Variants in CPPED1 observed in about 807,000 individuals in gnomAD.
CPPED1 encodes serine/threonine-protein phosphatase CPPED1.
Under a neutral mutation model 28.0 loss-of-function variants are expected in CPPED1, and 28 were observed. The ratio of observed to expected loss-of-function variants is 1.00; its 90% confidence interval spans 0.74 to 1.37. The LOEUF is 1.37. Among genes scored for constraint, CPPED1 ranks in the 40% most tolerant of loss-of-function variants. The probability of loss-of-function intolerance (pLI) is 0.00; values close to 1 mark genes in which losing one functional copy is unlikely to be tolerated. For missense variants in CPPED1, 504 were observed against 416.5 expected (o/e 1.21, Z -1.83); for synonymous variants, 198 against 180.2 (o/e 1.10, Z -0.79).
Position 12,660,844 on chromosome 16 carries a change from G to T in CPPED1, c.*4042C>A, listed in dbSNP as rs557799259. ...GAGTTCAAGTAAGGCTGGGTACAGT[G>T]GCCAACGCCTGTAATCCCAACACTT... On this transcript the variant is annotated 3_prime_UTR_variant, in exon 4 of 4. Coordinates refer to ENST00000381774, the MANE Select transcript of CPPED1 (RefSeq NM_018340.3). 4.3e-4 allele frequency: 66 copies of T among 152,406 alleles called. No homozygotes were observed. Among genetic ancestry groups the T allele is most frequent in the African/African-American group, 1.6e-3 (65 of 41,584 alleles). The allele number at this position is 152,406 out of a possible 1,614,324, so 9.4% of individuals were successfully genotyped here.
intron 2 of CPPED1, among the ~76,000 whole-genome samples, chr16:12,766,202 G>C (rs2141229495): frequency 6.7e-6 from 1 of 148,214 alleles, no homozygotes; most frequent in South Asian, 2.1e-4. Flanking sequence ...AGACCAGCCT[G>C]GCCAACATGG....
chr16:12,779,425 A>G (rs574913423), intron 2 of CPPED1, among the ~76,000 whole-genome samples: 1 of 151,018 alleles, frequency 6.6e-6, no homozygotes, highest in African/African-American at 2.4e-5. Context: ...TTCCCGCTCT[A>G]TCACCCAGTC....
chr16:12,796,697 G>A (rs58882004), intron 1 of CPPED1, among the ~76,000 whole-genome samples: 3,433 of 152,202 alleles, frequency 0.023, 88 homozygotes, highest in African/African-American at 0.064. Context: ...CATAGTTACC[G>A]TATGACTCAG....
chr16:12,740,398 T>C (rs1021056638), intron 2 of CPPED1, among the ~76,000 whole-genome samples: 5 of 150,850 alleles, frequency 3.3e-5, no homozygotes, highest in African/African-American at 7.3e-5. Context: ...TGAGCAGAGA[T>C]TGCACCACTG....
intron 3 of CPPED1, among the ~76,000 whole-genome samples, chr16:12,692,909 C>G (rs893456541): frequency 2.6e-5 from 4 of 152,228 alleles, no homozygotes; most frequent in African/African-American, 7.2e-5. Flanking sequence ...TCACAACTGC[C>G]TGACATGGCC....
Position 12,709,338 on chromosome 16 carries a change from G to C in CPPED1, c.290-4289C>G, listed in dbSNP as rs757628318. ...GGATTGTTCTGGGGTCTCCAAGGTG[G>C]ATAAGAGGTATCTGCTGAGAAGTGG... is the stretch of plus-strand genomic sequence containing the variant. On this transcript the variant is annotated intron_variant, in intron 2 of 3. Coordinates refer to ENST00000381774, the MANE Select transcript of CPPED1 (RefSeq NM_018340.3). This position sits in a 1 kb window ranked among gnomAD's most constrained non-coding sequence, Gnocchi z 4.4. Among the ~76,000 whole-genome samples, 3 of 152,154 alleles carry C rather than the reference G, an allele frequency of 2.0e-5. No individual in the cohort carries two copies. The highest frequency in any genetic ancestry group is 4.4e-5 in the Non-Finnish European group (3 of 68,038).
intron 2 of CPPED1, among the ~76,000 whole-genome samples, chr16:12,714,372 A>T (rs966099014): frequency 2.0e-5 from 3 of 152,206 alleles, no homozygotes; most frequent in African/African-American, 7.2e-5. Flanking sequence ...AAGCTAGCAG[A>T]CTGTCTTCCA....
intron 2 of CPPED1, among the ~76,000 whole-genome samples, chr16:12,727,762 C>T (rs1350454796): frequency 6.6e-6 from 1 of 152,198 alleles, no homozygotes; most frequent in Non-Finnish European, 1.5e-5. Context: ...AAGAACATTA[C>T]AACACGGACT....
intron 3 of CPPED1, among the ~76,000 whole-genome samples, chr16:12,676,679 T>G (rs552578590): frequency 2.8e-4 from 42 of 152,298 alleles, no homozygotes; most frequent in African/African-American, 9.9e-4. Flanking sequence ...GGCTCTGACC[T>G]AAACACATCC....
In CPPED1 at chr16:12,709,753, G is replaced by C. The variant is rs1054988396; in HGVS notation, c.290-4704C>G. Reference sequence around the variant, plus strand: ...AAGTATAGCTATGATCATAGGTAATGGTGAAAGACTGACTGCCTTCCTCCA... The same window carrying C: ...AAGTATAGCTATGATCATAGGTAATCGTGAAAGACTGACTGCCTTCCTCCA... On this transcript the variant is annotated intron_variant, in intron 2 of 3. Coordinates refer to ENST00000381774, the MANE Select transcript of CPPED1 (RefSeq NM_018340.3). This position sits in a 1 kb window ranked among gnomAD's most constrained non-coding sequence, Gnocchi z 4.4. Among the ~76,000 whole-genome samples the C allele has an allele frequency of 2.0e-5, 3 of 152,126 alleles. No individual in the cohort carries two copies. The highest frequency in any genetic ancestry group is 4.4e-5 in the Non-Finnish European group (3 of 68,034).
At chr16:12,787,298 A>G (rs1468398186) in intron 1 of CPPED1, among the ~76,000 whole-genome samples, 1 of 152,210 alleles carries the variant, frequency 6.6e-6, no homozygotes, top group Non-Finnish European at 1.5e-5. Context: ...AGCTCTGGAT[A>G]ATGCCTATAG....
In CPPED1 at chr16:12,766,597, T is replaced by C. The variant is rs2080441096; in HGVS notation, c.289+14588A>G. ...TGGAAGTACAATTCAAGATGAGATG[T>C]GGGTGGGGACACAGAGCCAAACCAT... On this transcript the variant is annotated intron_variant, in intron 2 of 3. Coordinates refer to ENST00000381774, the MANE Select transcript of CPPED1 (RefSeq NM_018340.3). Among the ~76,000 whole-genome samples, 4 of 152,000 alleles carry C rather than the reference T, an allele frequency of 2.6e-5. No homozygotes were observed. In the South Asian group the frequency reaches 8.3e-4, roughly 32 times the overall value.
chr16:12,690,970 C>G (rs2079959625), intron 3 of CPPED1, among the ~76,000 whole-genome samples: 1 of 152,230 alleles, frequency 6.6e-6, no homozygotes, highest in South Asian at 2.1e-4. Context: ...AGGTGGGACC[C>G]TGCCCCACAC....
intron 2 of CPPED1, among the ~76,000 whole-genome samples, chr16:12,715,745 C>T (rs2080103833): frequency 6.6e-6 from 1 of 152,152 alleles, no homozygotes; most frequent in Non-Finnish European, 1.5e-5. Flanking sequence ...TCAGGCTGGT[C>T]TCGAACCCCC....
intron 2 of CPPED1, among the ~76,000 whole-genome samples, chr16:12,717,729 C>G (rs2141195689): frequency 6.6e-6 from 1 of 152,264 alleles, no homozygotes; most frequent in East Asian, 1.9e-4. Flanking sequence ...ACAACCTCCA[C>G]CTCCTGGGTT....
At chr16:12,671,695 T>A (rs1214307756) in intron 3 of CPPED1, among the ~76,000 whole-genome samples, 1 of 152,194 alleles carries the variant, frequency 6.6e-6, no homozygotes, top group Non-Finnish European at 1.5e-5. Context: ...GAACGCCATA[T>A]ATGAAGGTGG....
intron 2 of CPPED1, among the ~76,000 whole-genome samples, chr16:12,770,840 A>AGAAGG (rs2080465885): frequency 7.1e-6 from 1 of 140,700 alleles, no homozygotes; most frequent in Non-Finnish European, 1.5e-5. Flanking sequence ...AAGGGAGGGC[A>AGAAGG]GAAGGAAAGG....
At chr16:12,736,516 G>A (rs2080227631) in intron 2 of CPPED1, among the ~76,000 whole-genome samples, 1 of 152,114 alleles carries the variant, frequency 6.6e-6, no homozygotes, top group South Asian at 2.1e-4. Flanking sequence ...TGGGATTATA[G>A]GTGTGAGCCA....
intron 1 of CPPED1, among the ~76,000 whole-genome samples, chr16:12,792,567 TC>T (rs2080603137): frequency 6.6e-6 from 1 of 152,010 alleles, no homozygotes; most frequent in Non-Finnish European, 1.5e-5. Context: ...ACCCTATACT[TC>T]CTGATATGGT....
Sources: allele counts gnomAD v4.1 joint callset (sites outside exome capture counted in the v4.1 genomes callset), GRCh38; gene constraint gnomAD v4.1.1; non-coding constraint Gnocchi (gnomAD v3.1); transcripts MANE v1.5; gene names NCBI Gene and HGNC (gene_info 2026-07-23, HGNC 2026-07-21).